Variants in CYFIP2 observed in about 807,000 individuals in gnomAD.
The protein encoded by CYFIP2 is cytoplasmic FMR1-interacting protein 2.
CYFIP2 carries 29 observed loss-of-function variants against 158.7 expected under a neutral mutation model. The observed-to-expected ratio is 0.18, with a 90% CI of 0.14 to 0.25. CYFIP2 has a LOEUF of 0.25. CYFIP2 is among the 10% of genes least tolerant of loss of function. CYFIP2 has a pLI of 1.00. For missense variants in CYFIP2, 852 were observed against 1,639.5 expected, an observed-to-expected ratio of 0.52 and a Z score of 8.29; for synonymous variants, 585 against 617.6, an observed-to-expected ratio of 0.95 and a Z score of 0.78.
intron 3 of CYFIP2, among the ~76,000 whole-genome samples, chr5:157,292,679 T>A (rs751126460): frequency 3.3e-5 from 5 of 152,236 alleles, no homozygotes; most frequent in African/African-American, 4.8e-5. Context: ...AATGCTGCTA[T>A]GAACATTTGT....
intron 26 of CYFIP2, among the ~76,000 whole-genome samples, chr5:157,375,495 A>C (rs2113467348): frequency 6.6e-6 from 1 of 152,260 alleles, no homozygotes; most frequent in East Asian, 1.9e-4. Flanking sequence ...TCTTGGGTTC[A>C]AGTCTTGCCT....
chr5:157,301,541 A>G (rs1758746978), intron 6 of CYFIP2, among the ~76,000 whole-genome samples: 1 of 152,182 alleles, frequency 6.6e-6, no homozygotes, highest in Non-Finnish European at 1.5e-5. Context: ...GTCATATGCT[A>G]AACCTTCTAT....
At chr5:157,367,721 A>G (rs1385302033) in intron 26 of CYFIP2, among the ~76,000 whole-genome samples, 3 of 150,612 alleles carry the variant, frequency 2.0e-5, no homozygotes, top group Middle Eastern at 3.4e-3. Flanking sequence ...AACAAAAACC[A>G]CTTTGTCACA....
At chr5:157,322,861 T>TCC in intron 15 of CYFIP2, 1 of 1,361,592 alleles carries the variant, frequency 7.3e-7, no homozygotes, top group Non-Finnish European at 1.0e-6. Context: ...TTTCTCTCTC[T>TCC]CTCTCTCTTT....
chr5:157,347,946 G>A (rs531904849), intron 23 of CYFIP2, among the ~76,000 whole-genome samples: 61 of 152,344 alleles, frequency 4.0e-4, no homozygotes, highest in South Asian at 8.3e-4. Context: ...CCGCTCACCA[G>A]CAGCACCCAG....
chr5:157,384,529 T>C (rs1561788878), intron 28 of CYFIP2: 1 of 455,626 alleles, frequency 2.2e-6, no homozygotes, highest in Non-Finnish European at 4.4e-6. Flanking sequence ...TGGCAAAACA[T>C]GGTAAGTATT....
chr5:157,383,416 T>C, intron 28 of CYFIP2, 57 bp downstream of exon 28: 1 of 1,491,674 alleles, frequency 6.7e-7, no homozygotes, highest in Non-Finnish European at 9.3e-7. Context: ...TGAGAGCATT[T>C]GACCAAACCC....
intron 2 of CYFIP2, among the ~76,000 whole-genome samples, chr5:157,286,786 A>G (rs1350007772): frequency 6.6e-6 from 1 of 152,160 alleles, no homozygotes; most frequent in Non-Finnish European, 1.5e-5. Flanking sequence ...AGCTCAGATG[A>G]GTGAACCTGA....
chr5:157,305,449 A>G (rs184067049), intron 8 of CYFIP2, among the ~76,000 whole-genome samples: 71 of 152,382 alleles, frequency 4.7e-4, no homozygotes, highest in African/African-American at 1.5e-3. Flanking sequence ...AAAATCTGGA[A>G]TATACAGCAA....
chr5:157,351,315 G>T (rs1763054195), intron 23 of CYFIP2, among the ~76,000 whole-genome samples: 2 of 152,042 alleles, frequency 1.3e-5, no homozygotes, highest in South Asian at 4.2e-4. Context: ...TCATCCAGAG[G>T]CTATAATGAG....
intron 29 of CYFIP2, 50 bp from the exon 30 acceptor site, chr5:157,390,471 C>T (rs1767172134): frequency 3.3e-6 from 4 of 1,207,984 alleles, no homozygotes; most frequent in Admixed American, 2.2e-5. Context: ...TCCCTCCCTG[C>T]CCTCCTCCCC....
intron 23 of CYFIP2, among the ~76,000 whole-genome samples, chr5:157,353,449 T>G (rs1763205094): frequency 6.6e-6 from 1 of 152,188 alleles, no homozygotes; most frequent in Non-Finnish European, 1.5e-5. Context: ...TCTTTCAGCC[T>G]CTGAGCTGAG....
intron 26 of CYFIP2, among the ~76,000 whole-genome samples, chr5:157,367,306 C>T (rs561565947): frequency 4.9e-4 from 74 of 152,252 alleles, no homozygotes; most frequent in African/African-American, 1.7e-3. Flanking sequence ...TCCAGTAGTA[C>T]CCTTCATTGT....
intron 4 of CYFIP2, among the ~76,000 whole-genome samples, chr5:157,295,759 A>G (rs1269365135): frequency 3.9e-5 from 6 of 152,230 alleles, no homozygotes; most frequent in Non-Finnish European, 7.3e-5. Flanking sequence ...ATTTAGCATG[A>G]TGCTGCCACT....
intron 26 of CYFIP2, among the ~76,000 whole-genome samples, chr5:157,377,384 T>A (rs1765587179): frequency 6.6e-6 from 1 of 152,038 alleles, no homozygotes; most frequent in Non-Finnish European, 1.5e-5. Flanking sequence ...GCAGGTACTG[T>A]TCCCCCTTAG....
chr5:157,353,681 AC>A (rs1328542379), intron 23 of CYFIP2, among the ~76,000 whole-genome samples: 5 of 152,168 alleles, frequency 3.3e-5, no homozygotes, highest in Non-Finnish European at 7.4e-5. Context: ...GCCTTTATTT[AC>A]CTGCAGTGAT....
At chr5:157,317,909 A>C (rs1313803104) in intron 13 of CYFIP2, among the ~76,000 whole-genome samples, 1 of 151,992 alleles carries the variant, frequency 6.6e-6, no homozygotes, top group Non-Finnish European at 1.5e-5. Context: ...TCCAATCTGC[A>C]TGGGTTTGTC....
In CYFIP2 at chr5:157,390,570, C is replaced by G; in HGVS notation, c.3496C>G (p.Leu1166Val). ...LNWAGCSIIVLLGQQRRFDLF... is the reference protein window; with the variant it reads ...LNWAGCSIIVVLGQQRRFDLF... ...CTGGGCTGGTTGCTCCATCATTGTC[C>G]TGCTGGGCCAGCAGCGTCGCTTTGA... Residue 1166 changes from leucine (L) to valine (V), a missense_variant, in exon 30 of 31, where the codon CTG becomes GTG. Coordinates refer to ENST00000620254, the MANE Select transcript of CYFIP2 (RefSeq NM_001037333.3). 1 of 1,554,836 alleles carries G rather than the reference C, an allele frequency of 6.4e-7. No individual in the cohort carries two copies. The highest frequency in any genetic ancestry group is 1.4e-5 in the African/African-American group (1 of 73,570).
rs6890799 is a variant in CYFIP2 at position 157,281,383 on chromosome 5, T to C, written c.-23-3956T>C. On this transcript the variant is annotated intron_variant, in intron 1 of 30. Coordinates refer to ENST00000620254, the MANE Select transcript of CYFIP2 (RefSeq NM_001037333.3). ...TTTCTGTTAAAAAGGAAAAAAATAC[T>C]TTTATGGAAAGAAACATCCATCTCT... Among the ~76,000 whole-genome samples, 1,358 of 152,320 alleles carry C rather than the reference T, an allele frequency of 8.9e-3. 28 individuals are homozygous for C. Among genetic ancestry groups the C allele is most frequent in the African/African-American group, 0.031 (1,276 of 41,556 alleles).
Sources: allele counts gnomAD v4.1 joint callset (sites outside exome capture counted in the v4.1 genomes callset), GRCh38; gene constraint gnomAD v4.1.1; transcripts MANE v1.5; gene names NCBI Gene and HGNC (gene_info 2026-07-23, HGNC 2026-07-21).